The following NCOR2 variants were observed in gnomAD, a reference collection of about 807,000 sequenced individuals.
NCOR2 encodes nuclear receptor corepressor 2, also known as CTG repeat protein 26.
A neutral mutation model predicts 262.9 loss-of-function variants in NCOR2; 81 were observed. The ratio of observed to expected loss-of-function variants is 0.31; its 90% confidence interval spans 0.26 to 0.37. The LOEUF (loss-of-function observed/expected upper bound fraction) is 0.37. NCOR2 is among the 10% of genes least tolerant of loss of function. The pLI is 1.00. For missense variants in NCOR2, 3,385 were observed against 3,621.4 expected, an observed-to-expected ratio of 0.93 and a Z score of 1.68; for synonymous variants, 1,659 against 1,559.3, an observed-to-expected ratio of 1.06 and a Z score of -1.51.
intron 13 of NCOR2, among the ~76,000 whole-genome samples, chr12:124,416,873 C>T (rs1042598615): frequency 1.3e-5 from 2 of 151,576 alleles, no homozygotes; most frequent in Non-Finnish European, 2.9e-5. Context: ...CACAGATAGA[C>T]CCGCCGCACA....
At position 124,508,105 on chromosome 12, in the gene NCOR2, T is replaced by TC. The variant is rs1486906635; in HGVS notation, c.-117-12738dup. ...ACAGAGCCCACCCACTCAACAAGGG[T>TC]CCCCTCCTGCCTCCCCAACCCATCC... is the stretch of plus-strand genomic sequence containing the variant. On this transcript the variant is annotated intron_variant, in intron 1 of 46. Transcript: ENST00000404621. Among the ~76,000 whole-genome samples, 6 of 152,126 alleles carry TC rather than the reference T, an allele frequency of 3.9e-5. No individual in the cohort carries two copies. The East Asian group carries it at 1.2e-3, about 29-fold the overall frequency.
chr12:124,370,757 C>T (rs570102247), intron 20 of NCOR2, among the ~76,000 whole-genome samples: 2 of 152,256 alleles, frequency 1.3e-5, no homozygotes, highest in East Asian at 1.9e-4. Flanking sequence ...TGGGGTCACC[C>T]AGGCCAGGAG....
intron 28 of NCOR2, among the ~76,000 whole-genome samples, chr12:124,350,098 TTC>T (rs1442345107): frequency 6.6e-6 from 1 of 151,992 alleles, no homozygotes; most frequent in Non-Finnish European, 1.5e-5. Context: ...TGCCAGGAAA[TTC>T]TCTTTCCCGG....
intron 1 of NCOR2, among the ~76,000 whole-genome samples, chr12:124,554,778 G>T (rs2051831116): frequency 6.6e-6 from 1 of 152,256 alleles, no homozygotes; most frequent in Admixed American, 6.5e-5. Flanking sequence ...GGTGCCGGGA[G>T]ATGCAGCTTC....
chr12:124,496,749 A>G (rs1347053194), upstream of NCOR2, among the ~76,000 whole-genome samples: 1 of 142,274 alleles, frequency 7.0e-6, no homozygotes, highest in Non-Finnish European at 1.5e-5. This position sits in a 1 kb window ranked among gnomAD's most constrained non-coding sequence, Gnocchi z 4.4. Context: ...CCCAGGTGCC[A>G]GGGATGGTCA....
chr12:124,483,649 G>A lies in NCOR2; in HGVS notation c.358C>T (p.Pro120Ser). Residue 120 changes from proline to serine, a missense_variant, in exon 3 of 47, where the codon CCG becomes TCG. By Grantham distance (74) the Pro-to-Ser change is moderately conservative. Around this residue, in one of 5 missense-constraint regions of NCOR2, gnomAD observed 237 missense variants for 229.4 expected, o/e 1.03. Transcript: ENST00000405201. The surrounding 1 kb of genome is among the most constrained non-coding windows in gnomAD (Gnocchi z 6.3). ...TGGCCCGTGGCCAGCAGGGGTGACG[G>A]TCGCAGCAGGGGGTCAGGCAGCAGC... 1 of 1,611,086 alleles carries A rather than the reference G, an allele frequency of 6.2e-7. No individual in the cohort carries two copies. The highest frequency in any genetic ancestry group is 8.5e-7 in the Non-Finnish European group (1 of 1,178,924).
chr12:124,404,090 G>A (rs762711380), intron 13 of NCOR2, among the ~76,000 whole-genome samples: 4 of 152,226 alleles, frequency 2.6e-5, no homozygotes, highest in South Asian at 2.1e-4. Flanking sequence ...TTAAACAGCC[G>A]GCAGGTGAAG....
intron 13 of NCOR2, among the ~76,000 whole-genome samples, chr12:124,418,228 C>T (rs965391655): frequency 2.0e-5 from 3 of 152,284 alleles, no homozygotes; most frequent in Admixed American, 6.5e-5. Flanking sequence ...TCTCCACAAA[C>T]GCAGCCACCC....
At chr12:124,412,133 C>T (rs746036796) in intron 13 of NCOR2, among the ~76,000 whole-genome samples, 1 of 152,256 alleles carries the variant, frequency 6.6e-6, no homozygotes, top group Non-Finnish European at 1.5e-5. Context: ...AGAGTGAAGG[C>T]GGCCGCACAC....
At chr12:124,349,014 G>A (rs2037190034) in intron 28 of NCOR2, 3 of 152,576 alleles carry the variant, frequency 2.0e-5, no homozygotes, top group Non-Finnish European at 4.4e-5. Flanking sequence ...GCAGTACACG[G>A]CTTTGTATGT....
chr12:124,501,060 G>GCGCA (rs1555232701), intron 1 of NCOR2, among the ~76,000 whole-genome samples: 382 of 48,810 alleles, frequency 7.8e-3, no homozygotes, highest in Middle Eastern at 0.024. Context: ...GCGCGCACGC[G>GCGCA]CGCACACACA....
rs919548653 is a variant in NCOR2 at position 124,466,147 on chromosome 12, C to A, written c.705+26G>T. 8 of 1,582,668 alleles carry A rather than the reference C, an allele frequency of 5.1e-6. No homozygotes were observed. The African/African-American group carries it at 1.1e-4, about 22-fold the overall frequency. On this transcript the variant is annotated intron_variant, in intron 5 of 46. Transcript: ENST00000405201. Reference sequence around the variant, plus strand: ...GCGCCTCATGGCCAGCACCGGGGGGCAGCAGGCCAGGGCGGGGACACATAC... The same window carrying A: ...GCGCCTCATGGCCAGCACCGGGGGGAAGCAGGCCAGGGCGGGGACACATAC...
chr12:124,443,110 C>T lies in NCOR2; in HGVS notation c.816-5114G>A, dbSNP rs1386119390. ...GTACTGTGAGAGAAGAAAGTTCCTG[C>T]CATTTTCAGCTGCCCGGTTCACGGC... On this transcript the variant is annotated intron_variant, in intron 7 of 46. Transcript: ENST00000405201. The surrounding 1 kb of genome is among the most constrained non-coding windows in gnomAD (Gnocchi z 4.4). Among the ~76,000 whole-genome samples, 1 of 152,210 alleles carries T rather than the reference C, an allele frequency of 6.6e-6. No homozygotes were observed. Among genetic ancestry groups the T allele is most frequent in the Non-Finnish European group, 1.5e-5 (1 of 68,046 alleles).
chr12:124,478,793 A>G, intron 3 of NCOR2, among the ~76,000 whole-genome samples: 1 of 152,190 alleles, frequency 6.6e-6, no homozygotes, highest in Non-Finnish European at 1.5e-5. Context: ...AGAGACAGAA[A>G]GACAGAGACG....
rs752834162 is a variant in NCOR2, at chr12:124,495,115, A to G, written c.105+32T>C. The G allele has an allele frequency of 4.3e-6, 7 of 1,609,800 alleles. No individual in the cohort carries two copies. Among genetic ancestry groups the G allele is most frequent in the South Asian group, 2.2e-5 (2 of 90,444 alleles). On this transcript the variant is annotated intron_variant, in intron 1 of 46. Coordinates refer to ENST00000405201, the Ensembl canonical transcript of NCOR2. This position sits in a 1 kb window ranked among gnomAD's most constrained non-coding sequence, Gnocchi z 4.4. ...GGAATGGAAGAAGGGTCTCAAAGGT[A>G]GCCCCAGGCGCACACATGTGCACCC... is the stretch of plus-strand genomic sequence containing the variant.
At chr12:124,409,339 T>C (rs922464944) in intron 13 of NCOR2, among the ~76,000 whole-genome samples, 6 of 152,212 alleles carry the variant, frequency 3.9e-5, no homozygotes, top group African/African-American at 1.4e-4. Context: ...ATGTTCCTGC[T>C]TCAGGGCCTT....
intron 17 of NCOR2, among the ~76,000 whole-genome samples, chr12:124,379,179 C>T (rs2040233957): frequency 6.6e-6 from 1 of 152,092 alleles, no homozygotes; most frequent in Admixed American, 6.6e-5. Context: ...TGCAAAGGCC[C>T]CAGTGTGGGG....
intron 13 of NCOR2, 95 bp from the exon 16 acceptor site, chr12:124,402,656 A>G: frequency 6.5e-7 from 1 of 1,529,158 alleles, no homozygotes; most frequent in Middle Eastern, 2.3e-4. Context: ...GAGCTGGGGG[A>G]GGAGGAGGAA....
At chr12:124,476,975 T>G (rs1327065011) in intron 3 of NCOR2, among the ~76,000 whole-genome samples, 1 of 150,698 alleles carries the variant, frequency 6.6e-6, no homozygotes, top group East Asian at 1.9e-4. Context: ...AATATGATGC[T>G]GAGTGGAAGT....
Sources: allele counts gnomAD v4.1 joint callset (sites outside exome capture counted in the v4.1 genomes callset), GRCh38; gene constraint gnomAD v4.1.1; regional missense constraint gnomAD v4.1.1; non-coding constraint Gnocchi (gnomAD v3.1); transcripts MANE v1.5; gene names NCBI Gene and HGNC (gene_info 2026-07-23, HGNC 2026-07-21).